Variants in TEX14 observed in about 807,000 individuals in gnomAD.
TEX14 encodes the protein testis expressed 14, intercellular bridge forming factor, also known as inactive serine/threonine-protein kinase TEX14.
In TEX14, 168 loss-of-function variants were observed where a neutral mutation model predicts 178.6. The ratio of observed to expected loss-of-function variants is 0.94; its 90% CI spans 0.83 to 1.07. The LOEUF (loss-of-function observed/expected upper bound fraction) is 1.07, where lower values mean the gene tolerates loss of function less well. Among genes scored for constraint, TEX14 ranks in the 50% least tolerant of loss-of-function variants. TEX14 has a pLI of 0.00. For missense variants in TEX14, 1,730 were observed against 1,753.6 expected, an observed-to-expected ratio of 0.99 and a Z score of 0.24; for synonymous variants, 626 against 634.1, an observed-to-expected ratio of 0.99 and a Z score of 0.19.
chr17:58,585,611 T>TG (rs2044939871), intron 18 of TEX14, among the ~76,000 whole-genome samples, 190 bp downstream of exon 18: 2 of 107,310 alleles, frequency 1.9e-5, no homozygotes, highest in African/African-American at 8.1e-5. Context: ...CCAGCTAATG[T>TG]TTTTTTTTTT....
chr17:58,621,188 G>A (rs2045989753), intron 5 of TEX14, among the ~76,000 whole-genome samples: 2 of 152,220 alleles, frequency 1.3e-5, no homozygotes, highest in South Asian at 4.1e-4. Flanking sequence ...AGAGGGGGCT[G>A]CCCATCCAGC....
In TEX14 at chr17:58,617,440, G is replaced by A. The variant is rs984702965; in HGVS notation, c.636+98C>T. ...AAAAAGAAAAGAACAACACTTTGGT[G>A]AGGATAAGGAGGCAGGAGTTGGACA... On this transcript the variant is annotated intron_variant, in intron 6 of 31. Coordinates refer to ENST00000349033, the MANE Select transcript of TEX14 (RefSeq NM_031272.5). 7 of 800,100 alleles carry A rather than the reference G, an allele frequency of 8.7e-6. No homozygotes were observed. The Admixed American group carries it at 1.3e-4, about 15-fold the overall frequency. 49.6% of individuals were successfully genotyped at this position (800,100 alleles called of 1,614,324 possible). A position where few individuals can be genotyped will look rare whatever the true frequency, so the allele number is the denominator to read the frequency against.
chr17:58,603,639 G>A (rs575864479), intron 11 of TEX14, among the ~76,000 whole-genome samples: 1 of 151,460 alleles, frequency 6.6e-6, no homozygotes, highest in East Asian at 1.9e-4. Flanking sequence ...CGGATCACGA[G>A]GTCAGGAGAT....
Position 58,663,022 on chromosome 17 carries a change from C to T in TEX14, c.-1-11020G>A, listed in dbSNP as rs2047143806. ...ACTCGGAGAGGCTGAGGCAGGAGAA[C>T]GGTGTGAACCCGGGAGGCAGAGGTT... On this transcript the variant is annotated intron_variant, in intron 1 of 31. Transcript: ENST00000349033. Among the ~76,000 whole-genome samples, 7 of 150,560 alleles carry T rather than the reference C, an allele frequency of 4.6e-5. No homozygotes were observed. The South Asian group carries it at 1.3e-3, about 27-fold the overall frequency.
At chr17:58,651,792 G>C (rs558200278) in intron 2 of TEX14, 74 bp downstream of exon 2, 1 of 1,389,442 alleles carries the variant, frequency 7.2e-7, no homozygotes, top group Non-Finnish European at 9.7e-7. Flanking sequence ...ATACCTTTAT[G>C]ACATTCCTTT....
chr17:58,662,415 TCACACACACACACA>T (rs200980242), intron 1 of TEX14, among the ~76,000 whole-genome samples: 15 of 114,996 alleles, frequency 1.3e-4, no homozygotes, highest in Non-Finnish European at 2.2e-4. Context: ...CACACATATC[TCACACACACACACA>T]CACACACACA....
At chr17:58,590,083 A>T (rs1415408701) in intron 15 of TEX14, among the ~76,000 whole-genome samples, 1 of 152,014 alleles carries the variant, frequency 6.6e-6, no homozygotes, top group Non-Finnish European at 1.5e-5. Flanking sequence ...CAACATGGTG[A>T]AATCTTGTCT....
intron 1 of TEX14, chr17:58,660,894 G>C (rs780706053): frequency 2.4e-6 from 2 of 820,002 alleles, no homozygotes; most frequent in Non-Finnish European, 4.4e-6. Context: ...CTCTTCTGGT[G>C]ACATGAGTTA....
At chr17:58,573,347 A>G in intron 22 of TEX14, 39 bp from the exon 23 acceptor site, 1 of 1,595,720 alleles carries the variant, frequency 6.3e-7, no homozygotes, top group Admixed American at 1.7e-5. Context: ...TGAGAAGATG[A>G]CTAGAAAAAT....
intron 2 of TEX14, among the ~76,000 whole-genome samples, chr17:58,638,319 C>A (rs530585782): frequency 6.6e-6 from 1 of 151,620 alleles, no homozygotes; most frequent in Non-Finnish European, 1.5e-5. Context: ...GACCAGTCTG[C>A]GCAACACAGC....
At chr17:58,592,142 CAA>C (rs919922683) in intron 15 of TEX14, among the ~76,000 whole-genome samples, 1 of 150,674 alleles carries the variant, frequency 6.6e-6, no homozygotes, top group Non-Finnish European at 1.5e-5. Flanking sequence ...AAATTTAAAC[CAA>C]AAAAAATTTT....
At chr17:58,619,247 T>C (rs181195497) in intron 5 of TEX14, among the ~76,000 whole-genome samples, 3 of 152,134 alleles carry the variant, frequency 2.0e-5, no homozygotes, top group Admixed American at 6.5e-5. Context: ...TCTCAAACAG[T>C]GACCTGGACA....
chr17:58,648,895 T>C (rs947696844), intron 2 of TEX14, among the ~76,000 whole-genome samples: 1 of 149,234 alleles, frequency 6.7e-6, no homozygotes, highest in Non-Finnish European at 1.5e-5. Context: ...GTTCATGCCA[T>C]TCTCCTGCCT....
chr17:58,577,642 A>G (rs2044711280), intron 20 of TEX14, among the ~76,000 whole-genome samples, 186 bp from the exon 21 acceptor site: 1 of 152,158 alleles, frequency 6.6e-6, no homozygotes, highest in South Asian at 2.1e-4. Context: ...TTTTGCTCTG[A>G]AAGTTTATTT....
intron 11 of TEX14, among the ~76,000 whole-genome samples, 156 bp downstream of exon 11, chr17:58,604,822 A>AC (rs2045566303): frequency 6.6e-6 from 1 of 152,170 alleles, no homozygotes; most frequent in Admixed American, 6.5e-5. Context: ...CAGCCTCCCA[A>AC]AGTGCTGGGA....
intron 1 of TEX14, among the ~76,000 whole-genome samples, chr17:58,668,014 C>G (rs919537565): frequency 6.6e-6 from 1 of 152,066 alleles, no homozygotes; most frequent in African/African-American, 2.4e-5. Context: ...GTAAAGGAAC[C>G]CTGCTAAGTC....
chr17:58,676,197 G>A (rs553150233), intron 1 of TEX14, among the ~76,000 whole-genome samples: 1 of 152,208 alleles, frequency 6.6e-6, no homozygotes, highest in Non-Finnish European at 1.5e-5. Context: ...CCAAAATGGT[G>A]AAACCCCATC....
intron 5 of TEX14, among the ~76,000 whole-genome samples, chr17:58,621,033 G>C (rs2045986042): frequency 1.3e-5 from 2 of 152,116 alleles, no homozygotes; most frequent in Admixed American, 1.3e-4. Flanking sequence ...TGCCATCAGA[G>C]GAAAGCCAAA....
chr17:58,686,114 G>T (rs551127544), intron 1 of TEX14, among the ~76,000 whole-genome samples: 1 of 152,042 alleles, frequency 6.6e-6, no homozygotes, highest in Non-Finnish European at 1.5e-5. Context: ...ACTTTGGGAG[G>T]CCGAGGAGTC....
Sources: allele counts gnomAD v4.1 joint callset (sites outside exome capture counted in the v4.1 genomes callset), GRCh38; gene constraint gnomAD v4.1.1; transcripts MANE v1.5; gene names NCBI Gene and HGNC (gene_info 2026-07-23, HGNC 2026-07-21).